The following RAD51B variants were observed in gnomAD, a reference collection of about 807,000 sequenced individuals.
RAD51B encodes RAD51 paralog B, also known as DNA repair protein RAD51 homolog 2.
Under a neutral mutation model 42.2 loss-of-function variants are expected in RAD51B, and 38 were observed. That is an observed-to-expected ratio of 0.90 (90% CI 0.70 to 1.18). The LOEUF (loss-of-function observed/expected upper bound fraction) is 1.18. Ranked by LOEUF, RAD51B falls within the 50% of genes most tolerant of loss-of-function variation. The pLI is 0.00. For synonymous variants in RAD51B, 154 were observed against 145.2 expected (o/e 1.06, Z -0.43); for missense variants, 373 against 400.7 (o/e 0.93, Z 0.59).
chr14:68,574,143 C>G (rs555737875), intron 10 of RAD51B, among the ~76,000 whole-genome samples: 2 of 152,262 alleles, frequency 1.3e-5, no homozygotes, highest in South Asian at 4.1e-4. Context: ...GGGTCTCGCT[C>G]TGTCACCCAG....
At chr14:68,201,028 C>T (rs1006633971) in intron 7 of RAD51B, among the ~76,000 whole-genome samples, 1 of 152,116 alleles carries the variant, frequency 6.6e-6, no homozygotes. Context: ...TAAGATTTCC[C>T]TCCCAAAGTC....
intron 7 of RAD51B, among the ~76,000 whole-genome samples, chr14:68,119,267 CT>C (rs111645280): frequency 0.19 from 26,060 of 134,810 alleles, 2,417 homozygotes; most frequent in Middle Eastern, 0.33. Context: ...ATGTTAATTT[CT>C]TTTTTTTTTT....
intron 8 of RAD51B, among the ~76,000 whole-genome samples, chr14:68,323,805 C>A (rs556179305): frequency 6.6e-6 from 1 of 152,294 alleles, no homozygotes; most frequent in African/African-American, 2.4e-5. Context: ...AAGCCCAGCC[C>A]TGCATCAGAG....
chr14:67,984,139 A>C (rs1000599461), intron 7 of RAD51B, among the ~76,000 whole-genome samples: 78 of 152,180 alleles, frequency 5.1e-4, no homozygotes, highest in African/African-American at 1.8e-3. Flanking sequence ...GGGTTTCACC[A>C]TCTTGGCCAG....
chr14:68,567,155 T>C (rs1261745461), intron 10 of RAD51B, among the ~76,000 whole-genome samples: 1 of 152,002 alleles, frequency 6.6e-6, no homozygotes, highest in African/African-American at 2.4e-5. Context: ...AAAAATTAGC[T>C]GGGCGCAGTG....
Position 68,542,416 on chromosome 14 carries a change from T to C in RAD51B, c.1037-52069T>C, listed in dbSNP as rs140710692. Among the ~76,000 whole-genome samples the C allele has an allele frequency of 8.5e-5, 13 of 152,376 alleles. No individual in the cohort carries two copies. The East Asian group carries it at 2.5e-3, about 29-fold the overall frequency. ...TTGATCCATTGTTTCCATGCAGGAATATTTTAATCCACTTGTCCATTTTGT... is the reference window on the plus strand; with the variant it reads ...TTGATCCATTGTTTCCATGCAGGAACATTTTAATCCACTTGTCCATTTTGT... On this transcript the variant is annotated intron_variant, in intron 10 of 10. Transcript: ENST00000487270.
intron 7 of RAD51B, among the ~76,000 whole-genome samples, chr14:68,011,073 A>G (rs2075676231): frequency 6.6e-6 from 1 of 152,006 alleles, no homozygotes. Context: ...CCAAGGATTT[A>G]CCAAAATAGA....
At chr14:68,489,183 A>G (rs1883880849) in intron 10 of RAD51B, among the ~76,000 whole-genome samples, 1 of 151,912 alleles carries the variant, frequency 6.6e-6, no homozygotes, top group Non-Finnish European at 1.5e-5. Context: ...AAAATATTGT[A>G]TAAGCCAAAT....
At chr14:68,057,596 CAG>C (rs1441439718) in intron 7 of RAD51B, among the ~76,000 whole-genome samples, 1 of 151,996 alleles carries the variant, frequency 6.6e-6, no homozygotes, top group Non-Finnish European at 1.5e-5. Context: ...TGAAAGATAA[CAG>C]AATTGGAAAA....
At chr14:68,643,177 T>C (rs1399381528) in intron 10 of RAD51B, among the ~76,000 whole-genome samples, 1 of 150,910 alleles carries the variant, frequency 6.6e-6, no homozygotes, top group African/African-American at 2.4e-5. Flanking sequence ...CCTCACACAT[T>C]TGGACACTCT....
chr14:68,611,256 A>C, exon 11 of RAD51B: 3 of 702,282 alleles, frequency 4.3e-6, no homozygotes, highest in Non-Finnish European at 7.8e-6. Flanking sequence ...AACCCAGCCT[A>C]GTTTTTCACC....
At chr14:67,972,343 C>G (rs72725146) in intron 7 of RAD51B, among the ~76,000 whole-genome samples, 33 of 152,054 alleles carry the variant, frequency 2.2e-4, no homozygotes, top group Non-Finnish European at 3.8e-4. Flanking sequence ...ATCTGAACAC[C>G]TAAGAAGTTT....
At chr14:68,060,146 G>T (rs552056842) in intron 7 of RAD51B, among the ~76,000 whole-genome samples, 1 of 152,116 alleles carries the variant, frequency 6.6e-6, no homozygotes, top group Non-Finnish European at 1.5e-5. Flanking sequence ...TTAAAATGAG[G>T]TGACTGGAGT....
intron 10 of RAD51B, among the ~76,000 whole-genome samples, chr14:68,516,231 C>T (rs183386675): frequency 2.1e-3 from 319 of 152,188 alleles, no homozygotes; most frequent in Middle Eastern, 3.4e-3. Flanking sequence ...AATATTTGTT[C>T]ATTTAATATT....
chr14:67,895,592 G>A (rs1283192911), intron 7 of RAD51B, among the ~76,000 whole-genome samples: 2 of 152,166 alleles, frequency 1.3e-5, no homozygotes, highest in Non-Finnish European at 2.9e-5. Flanking sequence ...TAGACTATAA[G>A]CAGTATGGGG....
At chr14:68,401,077 C>T (rs1309367466) in intron 8 of RAD51B, among the ~76,000 whole-genome samples, 1 of 152,128 alleles carries the variant, frequency 6.6e-6, no homozygotes, top group Non-Finnish European at 1.5e-5. Context: ...TCCTTGCCAT[C>T]TTTGAGACCT....
intron 10 of RAD51B, among the ~76,000 whole-genome samples, chr14:68,474,771 G>A (rs1300226812): frequency 6.6e-6 from 1 of 152,176 alleles, no homozygotes; most frequent in African/African-American, 2.4e-5. Flanking sequence ...AGCTAAAATG[G>A]ATTGGTCATA....
intron 8 of RAD51B, among the ~76,000 whole-genome samples, chr14:68,408,941 T>C (rs1329334726): frequency 2.0e-5 from 3 of 152,124 alleles, no homozygotes; most frequent in African/African-American, 7.2e-5. Context: ...AAGGCTTTAA[T>C]TGAAAGTCAG....
intron 3 of RAD51B, among the ~76,000 whole-genome samples, chr14:67,830,565 C>T (rs1440888400): frequency 6.6e-6 from 1 of 152,002 alleles, no homozygotes; most frequent in Non-Finnish European, 1.5e-5. Flanking sequence ...TCACACCTGG[C>T]TAATTTTTGT....
Sources: allele counts gnomAD v4.1 joint callset (sites outside exome capture counted in the v4.1 genomes callset), GRCh38; gene constraint gnomAD v4.1.1; transcripts MANE v1.5; gene names NCBI Gene and HGNC (gene_info 2026-07-23, HGNC 2026-07-21).